ZNF69: variants seen among roughly 807,000 people sequenced by gnomAD.
The protein encoded by ZNF69 is ZNF3.
In ZNF69, 47 loss-of-function variants were observed where a neutral mutation model predicts 50.9. The observed-to-expected ratio is 0.92, with a 90% CI of 0.73 to 1.18. The LOEUF (loss-of-function observed/expected upper bound fraction) is 1.18, where lower values mean the gene tolerates loss of function less well. Ranked by LOEUF, ZNF69 falls within the 50% of genes most tolerant of loss-of-function variation. The pLI is 0.00. For synonymous variants in ZNF69, 216 were observed against 223.1 expected (o/e 0.97, Z 0.29); for missense variants, 717 against 675.1 (o/e 1.06, Z -0.69).
At chr19:11,979,886 G>C in the ZNF69 span, 8 of 1,433,530 alleles carry the variant, frequency 5.6e-6, no homozygotes, top group Non-Finnish European at 7.8e-6. Flanking sequence ...GCACTCTGTA[G>C]AAAGACCTTA....
the ZNF69 span, among the ~76,000 whole-genome samples, chr19:11,929,568 T>C: frequency 2.0e-4 from 30 of 148,454 alleles, 2 homozygotes; most frequent in African/African-American, 5.5e-4. Flanking sequence ...TATTTCCCTA[T>C]ACATTAGTAA....
chr19:11,944,392 G>C, the ZNF69 span, among the ~76,000 whole-genome samples: 15 of 152,076 alleles, frequency 9.9e-5, no homozygotes, highest in Admixed American at 1.3e-4. Context: ...AACTATTTTT[G>C]ATAGTCCAAT....
downstream of ZNF69, among the ~76,000 whole-genome samples, chr19:11,906,890 G>A (rs1042833199): frequency 1.3e-5 from 2 of 152,138 alleles, no homozygotes; most frequent in African/African-American, 4.8e-5. Context: ...AGCTAAAGGA[G>A]GATGTTCGAA....
chr19:11,928,203 C>G, the ZNF69 span, among the ~76,000 whole-genome samples: 3 of 152,104 alleles, frequency 2.0e-5, no homozygotes, highest in African/African-American at 7.2e-5. Flanking sequence ...CCAGGCTGGT[C>G]TCTGGCTCCT....
chr19:11,905,505 T>C lies in ZNF69; in HGVS notation c.1108T>C (p.Cys370Arg). ...ATGTAAGATATGTGGGAAAGGCTTT[T>C]GTTCTGCCAATTCATTTCAAAGACA... ...YECKICGKGF[C>R]SANSFQRHEK... The change falls in exon 4 of 4, where the codon TGT (cysteine) becomes CGT (arginine). Residue 370 changes from cysteine (C) to arginine (R), a missense_variant. Coordinates refer to ENST00000429654, the MANE Select transcript of ZNF69 (RefSeq NM_001364730.1). 3.7e-6 allele frequency: 6 copies of C among 1,614,018 alleles called. No individual in the cohort carries two copies. Among genetic ancestry groups the C allele is most frequent in the Non-Finnish European group, 4.2e-6 (5 of 1,179,998 alleles).
chr19:11,979,335 G>A, the ZNF69 span: 65,161 of 1,608,788 alleles, frequency 0.041, 2,292 homozygotes, highest in African/African-American at 0.19. Flanking sequence ...GGCATGGTAG[G>A]ACTCACTGGA....
chr19:11,928,683 G>A, the ZNF69 span, among the ~76,000 whole-genome samples: 1 of 138,104 alleles, frequency 7.2e-6, no homozygotes, highest in Non-Finnish European at 1.5e-5. Flanking sequence ...AGTGAGCCGA[G>A]ATCCCGCCAC....
At chr19:11,960,096 G>A in the ZNF69 span, among the ~76,000 whole-genome samples, 20,400 of 149,168 alleles carry the variant, frequency 0.14, 2,577 homozygotes, top group African/African-American at 0.34. Context: ...GTTCAGTGGC[G>A]TGATCTCACC....
At chr19:11,967,132 C>T in the ZNF69 span, among the ~76,000 whole-genome samples, 1 of 152,120 alleles carries the variant, frequency 6.6e-6, no homozygotes, top group Non-Finnish European at 1.5e-5. Flanking sequence ...GTCAAGAGTT[C>T]GAGACCACCC....
the ZNF69 span, among the ~76,000 whole-genome samples, chr19:11,955,396 CTT>C: frequency 4.2e-4 from 55 of 132,126 alleles, no homozygotes; most frequent in Non-Finnish European, 4.7e-4. Context: ...TTCTTTCTTT[CTT>C]TTTTTTTTTT....
At chr19:11,925,184 G>C in the ZNF69 span, 2 of 1,610,884 alleles carry the variant, frequency 1.2e-6, no homozygotes, top group African/African-American at 2.7e-5. Context: ...CCTGTACCCA[G>C]GCTTCTGTCG....
chr19:11,919,124 T>C (rs1237493609), downstream of ZNF69, among the ~76,000 whole-genome samples: 2 of 152,134 alleles, frequency 1.3e-5, no homozygotes, highest in Non-Finnish European at 2.9e-5. Context: ...CTCAATCTCC[T>C]GCCCTCGTGA....
chr19:11,951,082 C>T, the ZNF69 span, among the ~76,000 whole-genome samples: 10 of 135,158 alleles, frequency 7.4e-5, no homozygotes, highest in Non-Finnish European at 1.2e-4. Context: ...ACCTGGGAGG[C>T]GGAGGTTGCA....
At chr19:11,908,444 T>C (rs1972410866), downstream of ZNF69, among the ~76,000 whole-genome samples, 2 of 152,102 alleles carry the variant, frequency 1.3e-5, no homozygotes, top group Non-Finnish European at 1.5e-5. Flanking sequence ...TCAGCAAATG[T>C]AGAAGAATAG....
At chr19:11,976,107 ACT>A in the ZNF69 span, among the ~76,000 whole-genome samples, 1 of 140,012 alleles carries the variant, frequency 7.1e-6, no homozygotes, top group African/African-American at 2.7e-5. Context: ...TGTCCCAGGG[ACT>A]CTCTCTCCTG....
the ZNF69 span, chr19:11,965,112 C>CCT: frequency 3.9e-6 from 6 of 1,531,522 alleles, no homozygotes; most frequent in Non-Finnish European, 5.4e-6. Flanking sequence ...GGACCTGGTA[C>CCT]CTCTACCCAG....
At chr19:11,977,121 C>T in the ZNF69 span, 1 of 1,614,024 alleles carries the variant, frequency 6.2e-7, no homozygotes, top group African/African-American at 1.3e-5. Flanking sequence ...GGAAACTCTA[C>T]AGGGAAGTGA....
the ZNF69 span, among the ~76,000 whole-genome samples, chr19:11,930,892 G>A: frequency 0.022 from 3,297 of 147,274 alleles, 506 homozygotes; most frequent in African/African-American, 0.074. Context: ...CCAGCTACTC[G>A]GGAGGCTGAG....
At chr19:11,917,829 C>T (rs1048062975), downstream of ZNF69, among the ~76,000 whole-genome samples, 6 of 138,880 alleles carry the variant, frequency 4.3e-5, no homozygotes, top group Non-Finnish European at 7.6e-5. Context: ...GCTCTGTCAC[C>T]CAGGCTGGAG....
Sources: gnomAD v4.1 joint callset for allele counts (sites outside exome capture counted in the v4.1 genomes callset) on GRCh38, gnomAD v4.1.1 for gene constraint, MANE v1.5 for transcripts, NCBI Gene and HGNC (gene_info 2026-07-23, HGNC 2026-07-21) for gene names.